STK39: variants seen among roughly 807,000 people sequenced by gnomAD.
STK39 encodes the protein STE20/SPS1-related proline-alanine-rich protein kinase.
STK39 carries 20 observed loss-of-function variants against 77.8 expected under a neutral mutation model. The ratio of observed to expected loss-of-function variants is 0.26; its 90% confidence interval spans 0.18 to 0.37. The LOEUF (loss-of-function observed/expected upper bound fraction) is 0.37. Ranked by LOEUF, STK39 falls within the 10% of genes least tolerant of loss-of-function variation. The probability of loss-of-function intolerance (pLI) is 1.00; values close to 1 mark genes in which losing one functional copy is unlikely to be tolerated. For synonymous variants in STK39, 246 were observed against 234.1 expected (o/e 1.05, Z -0.47); for missense variants, 479 against 656.5 (o/e 0.73, Z 2.95).
intron 5 of STK39, among the ~76,000 whole-genome samples, chr2:168,159,073 A>C (rs1400643): frequency 0.5 from 75,466 of 151,936 alleles, 18,933 homozygotes; most frequent in East Asian, 0.63. Flanking sequence ...CTAAAAAAAA[A>C]CAAAAATCAT....
At chr2:168,206,960 C>T (rs1689758728) in intron 1 of STK39, among the ~76,000 whole-genome samples, 1 of 152,190 alleles carries the variant, frequency 6.6e-6, no homozygotes. Flanking sequence ...AATATGAACA[C>T]AACTCCAGGT....
chr2:168,140,162 C>T, intron 7 of STK39, 127 bp downstream of exon 7: 1 of 777,606 alleles, frequency 1.3e-6, no homozygotes, highest in Non-Finnish European at 2.2e-6. Context: ...CAATGTTCAA[C>T]TTGGCTGCGT....
intron 1 of STK39, among the ~76,000 whole-genome samples, chr2:168,191,522 G>C (rs927607188): frequency 6.6e-6 from 1 of 152,146 alleles, no homozygotes; most frequent in Admixed American, 6.5e-5. Flanking sequence ...CTACACATCA[G>C]CCACACCTAA....
At chr2:168,055,188 G>A (rs1026041685) in intron 14 of STK39, among the ~76,000 whole-genome samples, 8 of 152,116 alleles carry the variant, frequency 5.3e-5, no homozygotes, top group Non-Finnish European at 7.4e-5. Context: ...CCACTTGACC[G>A]GTAAGAATTA....
rs116819940 is a variant in STK39, at chr2:167,995,683, T to C, written c.1498+16951A>G. ...GGTACATTAAGAAGAAGAGATTAAG[T>C]GTGGCTTTGGGATTAGGTATGTTCT... is the stretch of plus-strand genomic sequence containing the variant. On this transcript the variant is annotated intron_variant, in intron 16 of 17. Coordinates refer to ENST00000355999, the MANE Select transcript of STK39 (RefSeq NM_013233.3). Among the ~76,000 whole-genome samples, 558 of 152,288 alleles carry C rather than the reference T, an allele frequency of 3.7e-3. 1 individual carries two copies. The highest frequency in any genetic ancestry group is 6.5e-3 in the Non-Finnish European group (442 of 68,020).
At chr2:168,216,909 C>G (rs1690039166) in intron 1 of STK39, among the ~76,000 whole-genome samples, 1 of 152,166 alleles carries the variant, frequency 6.6e-6, no homozygotes, top group Non-Finnish European at 1.5e-5. Context: ...CCCAACCAAC[C>G]CGCTAGGAAC....
At chr2:168,177,633 A>C (rs952085146) in intron 2 of STK39, among the ~76,000 whole-genome samples, 3 of 152,188 alleles carry the variant, frequency 2.0e-5, no homozygotes, top group Admixed American at 1.3e-4. Context: ...GAAAAGACAC[A>C]TGACTTCAAG....
At chr2:168,181,670 T>C (rs1189787759) in intron 2 of STK39, among the ~76,000 whole-genome samples, 1 of 152,136 alleles carries the variant, frequency 6.6e-6, no homozygotes, top group African/African-American at 2.4e-5. Context: ...AATCCTGTCA[T>C]GTTAGGTCAC....
At chr2:168,023,075 T>C (rs936974695) in intron 14 of STK39, among the ~76,000 whole-genome samples, 2 of 152,078 alleles carry the variant, frequency 1.3e-5, no homozygotes, top group Non-Finnish European at 1.5e-5. Context: ...CCCCCATACC[T>C]GGCTAATTTT....
At chr2:168,167,498 T>G in intron 2 of STK39, 91 bp from the exon 3 acceptor site, 1 of 1,152,326 alleles carries the variant, frequency 8.7e-7, no homozygotes. Flanking sequence ...CTGGGTAACT[T>G]TCCTACTCGA....
At position 168,012,663 on chromosome 2, in the gene STK39, C is replaced by T; in HGVS notation, c.1469G>A (p.Gly490Asp). Residue 490 changes from glycine to aspartate, a missense_variant, in exon 16 of 18, where the codon GGC (glycine) becomes GAC (aspartate). Gly to Asp is a moderately conservative substitution (Grantham distance 94). Coordinates refer to ENST00000355999, the MANE Select transcript of STK39 (RefSeq NM_013233.3). Reference sequence around the variant, plus strand: ...AACTACATCGTGACCATCCACCAAGCCAGCAGAGAAGAGCTCCTGAGATAC... The same window carrying T: ...AACTACATCGTGACCATCCACCAAGTCAGCAGAGAAGAGCTCCTGAGATAC... ...DGVSQELFSA[G>D]LVDGHDVVIV... 6.2e-7 allele frequency: 1 copy of T among 1,613,708 alleles called. No homozygotes were observed. Among genetic ancestry groups the T allele is most frequent in the Non-Finnish European group, 8.5e-7 (1 of 1,179,764 alleles).
intron 12 of STK39, among the ~76,000 whole-genome samples, chr2:168,069,676 T>C (rs1362180795): frequency 6.6e-6 from 1 of 152,262 alleles, no homozygotes; most frequent in African/African-American, 2.4e-5. Context: ...TTTGTGCAGT[T>C]TTCCTAGCCA....
rs558784037 is a variant in STK39, at chr2:168,080,776, G to C, written c.1090-5545C>G. Among the ~76,000 whole-genome samples, 534 of 152,346 alleles carry C rather than the reference G, an allele frequency of 3.5e-3. 4 individuals are homozygous for C. The highest frequency in any genetic ancestry group is 0.012 in the African/African-American group (506 of 41,582). ...CTTGGGCTGGGCCCAGGGTCCCTCT[G>C]TTGTGTGCAGTTTAGGGACTTGGTG... On this transcript the variant is annotated intron_variant, in intron 10 of 17. Coordinates refer to ENST00000355999, the MANE Select transcript of STK39 (RefSeq NM_013233.3).
At chr2:167,958,863 C>T (rs141001158) in intron 17 of STK39, among the ~76,000 whole-genome samples, 16 of 152,328 alleles carry the variant, frequency 1.1e-4, no homozygotes, top group African/African-American at 3.8e-4. Context: ...CCATGCATGA[C>T]TTTAAGCATC....
intron 1 of STK39, 34 bp from the exon 2 acceptor site, chr2:168,182,124 A>G: frequency 6.4e-7 from 1 of 1,559,296 alleles, no homozygotes; most frequent in Non-Finnish European, 8.8e-7. Flanking sequence ...CAGCGATCAA[A>G]TGGCACACTG....
At chr2:168,032,394 A>T (rs1304260273) in intron 14 of STK39, among the ~76,000 whole-genome samples, 1 of 152,200 alleles carries the variant, frequency 6.6e-6, no homozygotes, top group East Asian at 1.9e-4. Flanking sequence ...TAACTGTACC[A>T]CCAAGTTAAG....
At chr2:168,150,246 G>A (rs1688244804) in intron 5 of STK39, among the ~76,000 whole-genome samples, 4 of 152,182 alleles carry the variant, frequency 2.6e-5, no homozygotes, top group South Asian at 4.1e-4. Context: ...CATGGCAGTC[G>A]AGGAAGCGTA....
intron 1 of STK39, chr2:168,232,310 C>G (rs1040137156): frequency 6.5e-6 from 1 of 154,276 alleles, no homozygotes; most frequent in African/African-American, 2.4e-5. Flanking sequence ...ACTTTCTGTA[C>G]ATAAAAATTC....
chr2:168,199,346 A>T (rs917710424), intron 1 of STK39, among the ~76,000 whole-genome samples: 19 of 152,196 alleles, frequency 1.2e-4, no homozygotes, highest in Non-Finnish European at 2.8e-4. Context: ...AAGAAGAAAA[A>T]GAAGTGGCTA....
Sources: allele counts gnomAD v4.1 joint callset (sites outside exome capture counted in the v4.1 genomes callset), GRCh38; gene constraint gnomAD v4.1.1; transcripts MANE v1.5; gene names NCBI Gene and HGNC (gene_info 2026-07-23, HGNC 2026-07-21).